The following FILIP1L variants were observed in gnomAD, a reference collection of about 807,000 sequenced individuals.
FILIP1L encodes the protein filamin A interacting protein 1 like.
FILIP1L carries 55 observed loss-of-function variants against 96.6 expected under a neutral mutation model. The ratio of observed to expected loss-of-function variants is 0.57; its 90% confidence interval spans 0.46 to 0.71. FILIP1L has a LOEUF of 0.71. Ranked by LOEUF, FILIP1L falls within the 30% of genes least tolerant of loss-of-function variation. The pLI is 0.00. For missense variants in FILIP1L, 1,304 were observed against 1,321.2 expected (o/e 0.99, Z 0.20); for synonymous variants, 467 against 473.9 (o/e 0.99, Z 0.19).
chr3:99,949,829 T>C (rs1037490494), intron 1 of FILIP1L, among the ~76,000 whole-genome samples: 9 of 152,230 alleles, frequency 5.9e-5, no homozygotes, highest in African/African-American at 2.2e-4. Flanking sequence ...AATAATTCTT[T>C]GATTTGTTCA....
At chr3:99,979,382 A>G (rs6784150) in intron 1 of FILIP1L, among the ~76,000 whole-genome samples, 1,779 of 152,346 alleles carry the variant, frequency 0.012, 19 homozygotes, top group African/African-American at 0.026. Flanking sequence ...TTAACCAAGC[A>G]TATCACAGTA....
chr3:99,977,357 A>G (rs927517913), intron 1 of FILIP1L, among the ~76,000 whole-genome samples: 2 of 152,098 alleles, frequency 1.3e-5, no homozygotes, highest in Non-Finnish European at 2.9e-5. Context: ...ATGAAGGACA[A>G]ATTAGGAGAA....
chr3:100,093,268 C>A (rs1228471846), intron 1 of FILIP1L, among the ~76,000 whole-genome samples: 1 of 151,998 alleles, frequency 6.6e-6, no homozygotes, highest in Admixed American at 6.5e-5. Context: ...TAGCTGATGT[C>A]TTCTGTAACT....
chr3:100,026,117 G>A (rs1428148636), intron 1 of FILIP1L, among the ~76,000 whole-genome samples: 3 of 152,146 alleles, frequency 2.0e-5, no homozygotes, highest in Admixed American at 6.6e-5. Flanking sequence ...GAGGCTGGAC[G>A]AGGCTGGACC....
intron 1 of FILIP1L, among the ~76,000 whole-genome samples, chr3:99,933,548 AT>A (rs1559694225): frequency 6.6e-6 from 1 of 152,210 alleles, no homozygotes; most frequent in Non-Finnish European, 1.5e-5. Flanking sequence ...AAAATTATAC[AT>A]AAACAGGATT....
intron 5 of FILIP1L, among the ~76,000 whole-genome samples, chr3:99,839,019 T>C (rs1943016835): frequency 6.6e-6 from 1 of 152,160 alleles, no homozygotes; most frequent in African/African-American, 2.4e-5. Context: ...TCCTTGAATG[T>C]TGATTATCTG....
chr3:99,976,615 A>G (rs1192900760), intron 1 of FILIP1L, among the ~76,000 whole-genome samples: 3 of 152,116 alleles, frequency 2.0e-5, no homozygotes, highest in South Asian at 2.1e-4. Context: ...CATAATTTTT[A>G]TCTTTGTTCC....
At chr3:99,861,660 C>A (rs1475105259) in intron 4 of FILIP1L, among the ~76,000 whole-genome samples, 5 of 152,160 alleles carry the variant, frequency 3.3e-5, no homozygotes, top group Admixed American at 6.5e-5. Flanking sequence ...TTCCCTATTA[C>A]CCCCAGCAAG....
chr3:99,911,605 C>T (rs1169708955), intron 4 of FILIP1L, among the ~76,000 whole-genome samples: 1 of 152,106 alleles, frequency 6.6e-6, no homozygotes, highest in Admixed American at 6.6e-5. Context: ...TTTAATGTAC[C>T]TGTGAGTGCA....
At chr3:99,932,895 A>G (rs746843466) in intron 1 of FILIP1L, among the ~76,000 whole-genome samples, 18 of 152,118 alleles carry the variant, frequency 1.2e-4, no homozygotes, top group Admixed American at 2.0e-4. Context: ...GTCTCAAAAC[A>G]AAAAGGACAT....
intron 5 of FILIP1L, among the ~76,000 whole-genome samples, chr3:99,845,129 T>A (rs754636262): frequency 1.3e-5 from 2 of 152,188 alleles, no homozygotes; most frequent in Non-Finnish European, 2.9e-5. Context: ...TGATCTTGAT[T>A]GAACAAGTAT....
At chr3:99,982,749 T>G (rs1374466591) in intron 1 of FILIP1L, among the ~76,000 whole-genome samples, 1 of 152,228 alleles carries the variant, frequency 6.6e-6, no homozygotes, top group Non-Finnish European at 1.5e-5. Flanking sequence ...CCATATATAG[T>G]ATTTCATAGA....
intron 1 of FILIP1L, among the ~76,000 whole-genome samples, chr3:100,111,197 A>G (rs756031899): frequency 2.0e-5 from 3 of 152,166 alleles, no homozygotes; most frequent in Non-Finnish European, 2.9e-5. Context: ...TAGAAGGGCA[A>G]TGGAGGCAGA....
chr3:99,839,988 T>C (rs953304130), intron 5 of FILIP1L, among the ~76,000 whole-genome samples: 6 of 152,154 alleles, frequency 3.9e-5, no homozygotes, highest in African/African-American at 1.4e-4. Flanking sequence ...GATTTTGCCC[T>C]TCAGGGAATA....
intron 1 of FILIP1L, among the ~76,000 whole-genome samples, chr3:99,983,385 A>AATAC (rs756125109): frequency 1.2e-5 from 1 of 84,076 alleles, no homozygotes; most frequent in African/African-American, 6.4e-5. Flanking sequence ...AAAATAAATA[A>AATAC]ATAAATATAT....
intron 1 of FILIP1L, among the ~76,000 whole-genome samples, chr3:100,091,443 GAAGTGT>G (rs1176393794): frequency 6.6e-6 from 1 of 152,230 alleles, no homozygotes; most frequent in Non-Finnish European, 1.5e-5. Flanking sequence ...AAGGGAAGAA[GAAGTGT>G]AAGAAATTAG....
chr3:99,840,611 G>A (rs1943093003), intron 5 of FILIP1L, among the ~76,000 whole-genome samples: 1 of 152,190 alleles, frequency 6.6e-6, no homozygotes, highest in Non-Finnish European at 1.5e-5. Context: ...CTGGAGGAAA[G>A]AAACTCATGC....
At chr3:99,929,815 T>C in intron 3 of FILIP1L, 41 bp downstream of exon 3, 2 of 1,496,726 alleles carry the variant, frequency 1.3e-6, no homozygotes, top group African/African-American at 1.4e-5. Context: ...GGGCTAGTGC[T>C]TGGCTGCCTC....
intron 5 of FILIP1L, chr3:99,833,183 C>A: frequency 6.6e-7 from 1 of 1,526,102 alleles, no homozygotes. Context: ...TAACCCAGTT[C>A]AACATGAAGA....
Sources: gnomAD v4.1 joint callset for allele counts (sites outside exome capture counted in the v4.1 genomes callset) on GRCh38, gnomAD v4.1.1 for gene constraint, MANE v1.5 for transcripts, NCBI Gene and HGNC (gene_info 2026-07-23, HGNC 2026-07-21) for gene names.